The following GYS2 variants were observed in gnomAD, a reference collection of about 807,000 sequenced individuals.
GYS2 encodes glycogen synthase 2.
A neutral mutation model predicts 85.6 loss-of-function variants in GYS2; 80 were observed. That is an observed-to-expected ratio of 0.93 (90% CI 0.78 to 1.13). GYS2 has a LOEUF of 1.13. Ranked by LOEUF, GYS2 falls within the 50% of genes most tolerant of loss-of-function variation. The pLI is 0.00. For missense variants in GYS2, 881 were observed against 854.9 expected, an observed-to-expected ratio of 1.03 and a Z score of -0.38; for synonymous variants, 328 against 300.7, an observed-to-expected ratio of 1.09 and a Z score of -0.94.
chr12:21,590,441 A>C lies in GYS2; in HGVS notation c.122-9918T>G, dbSNP rs564622943. 5.3e-5 allele frequency among the ~76,000 whole-genome samples: 8 copies of C among 152,320 alleles called. No individual in the cohort carries two copies. In the South Asian group the frequency reaches 1.7e-3, roughly 32 times the overall value. ...TGGGCCTACCCAATCTGCCACTGCC[A>C]TCACAACTGGCACCTCCTGCATGTG... On this transcript the variant is annotated intron_variant, in intron 1 of 15. Coordinates refer to ENST00000261195, the MANE Select transcript of GYS2 (RefSeq NM_021957.4).
At chr12:21,592,295 A>G (rs1944648893) in intron 1 of GYS2, among the ~76,000 whole-genome samples, 1 of 152,054 alleles carries the variant, frequency 6.6e-6, no homozygotes, top group Admixed American at 6.5e-5. Context: ...TCACATGTCA[A>G]TAATAGCCTT....
chr12:21,571,326 A>G (rs891637085), intron 4 of GYS2, among the ~76,000 whole-genome samples: 2 of 152,232 alleles, frequency 1.3e-5, no homozygotes, highest in Admixed American at 1.3e-4. Context: ...TTATGATTAT[A>G]TCTTAAAATC....
chr12:21,537,460 C>T (rs1444438392), intron 15 of GYS2: 2 of 411,446 alleles, frequency 4.9e-6, no homozygotes, highest in Admixed American at 3.8e-5. Context: ...TTTTTCAGTA[C>T]AGAAGAAAAT....
At chr12:21,568,356 T>C (rs781067521) in intron 5 of GYS2, among the ~76,000 whole-genome samples, 1 of 152,196 alleles carries the variant, frequency 6.6e-6, no homozygotes, top group Non-Finnish European at 1.5e-5. Flanking sequence ...GACAGGGCCA[T>C]GTCTTATGAG....
intron 1 of GYS2, among the ~76,000 whole-genome samples, chr12:21,586,567 A>C (rs959552013): frequency 2.6e-5 from 4 of 151,792 alleles, no homozygotes; most frequent in African/African-American, 9.7e-5. Context: ...AATAAACGTC[A>C]AAAAAAAGTT....
At chr12:21,585,662 G>A (rs554131153) in intron 1 of GYS2, among the ~76,000 whole-genome samples, 15 of 151,900 alleles carry the variant, frequency 9.9e-5, no homozygotes, top group East Asian at 3.9e-4. Flanking sequence ...TACCAGCTAC[G>A]ATCACGTGAC....
Position 21,580,354 on chromosome 12 carries a change from C to T in GYS2, c.291G>A (p.Lys97=), listed in dbSNP as rs1487237508. The T allele has an allele frequency of 1.9e-6, 3 of 1,613,522 alleles. No individual in the cohort carries two copies. Among genetic ancestry groups the T allele is most frequent in the African/African-American group, 2.7e-5 (2 of 75,024 alleles). ...TCAGTTCCTTTACCTGGCAGCCATG[C>T]TTATTCATTGCGTCCACTGCTCTTC... ...AVRRAVDAMN[K]HGCQVHFGRW... is the part of the protein sequence containing the mutation. Residue 97 remains lysine, a synonymous_variant, in exon 2 of 16, where the codon AAG becomes AAA. Transcript: ENST00000261195.
downstream of GYS2, among the ~76,000 whole-genome samples, chr12:21,534,686 C>G (rs1943894718): frequency 6.6e-6 from 1 of 151,864 alleles, no homozygotes; most frequent in Non-Finnish European, 1.5e-5. Context: ...CAAACATAAT[C>G]CCATTGTAAG....
chr12:21,594,340 T>C (rs1219143315), intron 1 of GYS2, among the ~76,000 whole-genome samples: 1 of 152,134 alleles, frequency 6.6e-6, no homozygotes, highest in Non-Finnish European at 1.5e-5. Context: ...GACATGATTT[T>C]ATACCTAGAA....
intron 5 of GYS2, among the ~76,000 whole-genome samples, chr12:21,564,277 A>G (rs991401768): frequency 4.6e-5 from 7 of 152,108 alleles, no homozygotes; most frequent in Non-Finnish European, 7.4e-5. Context: ...CTAAAAATAC[A>G]AAAATTAGTC....
chr12:21,587,990 G>T (rs1349143557), intron 1 of GYS2, among the ~76,000 whole-genome samples: 2 of 152,106 alleles, frequency 1.3e-5, no homozygotes, highest in Admixed American at 6.5e-5. Flanking sequence ...ACTTAGGCAG[G>T]ATATTTCCCG....
At position 21,590,027 on chromosome 12, in the gene GYS2, C is replaced by A. The variant is rs958271738; in HGVS notation, c.122-9504G>T. ...GTCATTAGAAGTGGACTCCCCCACC[C>A]CCAGTAGCAGGGCTGCTACACATTT... On this transcript the variant is annotated intron_variant, in intron 1 of 15. Coordinates refer to ENST00000261195, the MANE Select transcript of GYS2 (RefSeq NM_021957.4). Among the ~76,000 whole-genome samples the A allele has an allele frequency of 7.2e-5, 11 of 152,238 alleles. No homozygotes were observed. The East Asian group carries it at 1.7e-3, about 24-fold the overall frequency.
chr12:21,555,100 A>G (rs1408267154), intron 11 of GYS2, among the ~76,000 whole-genome samples: 1 of 152,170 alleles, frequency 6.6e-6, no homozygotes, highest in Non-Finnish European at 1.5e-5. Context: ...TAAAAGTGTG[A>G]CACAAAATGT....
chr12:21,574,328 T>C lies in GYS2; in HGVS notation c.496-2A>G. On this transcript the variant is annotated splice_acceptor_variant, in intron 3 of 15. Transcript: ENST00000261195. LOFTEE classifies it high-confidence loss of function. ...TTTACCATCTGCATGATCTGTCACC[T>C]ACATTAGGAAAAAAAAAGCATTCAG... 1 of 1,611,002 alleles carries C rather than the reference T, an allele frequency of 6.2e-7. No individual in the cohort carries two copies. Among genetic ancestry groups the C allele is most frequent in the Non-Finnish European group, 8.5e-7 (1 of 1,177,212 alleles).
rs142499069 is a variant in GYS2, at chr12:21,553,027, G to T, written c.1422+5173C>A. Among the ~76,000 whole-genome samples the T allele has an allele frequency of 6.6e-3, 999 of 152,312 alleles. 5 individuals are homozygous for T. Among genetic ancestry groups the T allele is most frequent in the South Asian group, 0.012 (59 of 4,830 alleles). ...AATACTTATTATGTATTTACTATGT[G>T]CCAAGCTGTTAAATGCAGCACCTAT... is the stretch of plus-strand genomic sequence containing the variant. On this transcript the variant is annotated intron_variant, in intron 11 of 15. Transcript: ENST00000261195.
chr12:21,557,815 T>C (rs10770829), intron 11 of GYS2, among the ~76,000 whole-genome samples: 109,799 of 151,650 alleles, frequency 0.72, 40,281 homozygotes, highest in South Asian at 0.8. Flanking sequence ...AGGAGAATGG[T>C]GTGGACCCGG....
At chr12:21,538,418 C>G (rs1362632757) in intron 15 of GYS2, among the ~76,000 whole-genome samples, 1 of 152,160 alleles carries the variant, frequency 6.6e-6, no homozygotes, top group Non-Finnish European at 1.5e-5. Context: ...GATAAGGCGC[C>G]AGAGTTTTTG....
At chr12:21,533,818 A>G (rs190251825), downstream of GYS2, among the ~76,000 whole-genome samples, 1 of 152,232 alleles carries the variant, frequency 6.6e-6, no homozygotes, top group Non-Finnish European at 1.5e-5. Context: ...GCTTATAAAC[A>G]ACAGAAATTT....
downstream of GYS2, among the ~76,000 whole-genome samples, chr12:21,534,735 A>G (rs554070018): frequency 6.6e-6 from 1 of 152,216 alleles, no homozygotes; most frequent in South Asian, 2.1e-4. Flanking sequence ...GGGCACACAA[A>G]CATTCAAACC....
Sources: allele counts gnomAD v4.1 joint callset (sites outside exome capture counted in the v4.1 genomes callset), GRCh38; gene constraint gnomAD v4.1.1; transcripts MANE v1.5; gene names NCBI Gene and HGNC (gene_info 2026-07-23, HGNC 2026-07-21).